Variants in LMX1B observed in about 807,000 individuals in gnomAD.
LMX1B encodes LIM homeobox transcription factor 1-beta.
Under a neutral mutation model 51.4 loss-of-function variants are expected in LMX1B, and 12 were observed. The ratio of observed to expected loss-of-function variants is 0.23; its 90% confidence interval spans 0.15 to 0.38. The LOEUF is 0.38. Ranked by LOEUF, LMX1B falls within the 10% of genes least tolerant of loss-of-function variation. LMX1B has a pLI of 1.00. For synonymous variants in LMX1B, 237 were observed against 235.4 expected (o/e 1.01, Z -0.06); for missense variants, 445 against 571.1 (o/e 0.78, Z 2.25).
At chr9:126,661,300 C>T (rs534105420) in intron 2 of LMX1B, among the ~76,000 whole-genome samples, 5 of 150,328 alleles carry the variant, frequency 3.3e-5, no homozygotes, top group South Asian at 2.1e-4. Context: ...CTCAGGCCAG[C>T]GTGGACGCCT....
intron 3 of LMX1B, among the ~76,000 whole-genome samples, chr9:126,692,579 C>T (rs568776327): frequency 2.0e-5 from 3 of 152,348 alleles, no homozygotes; most frequent in Non-Finnish European, 4.4e-5. Flanking sequence ...GAGTTGCACG[C>T]GTGAGGGCCT....
Position 126,693,200 on chromosome 9 carries a change from C to T in LMX1B, c.618C>T (p.Ser206=). The change falls in exon 4 of 8, where the codon AGC becomes AGT. Residue 206 remains serine (S), a synonymous_variant. Transcript: ENST00000373474. ...MKPAKGQGSQ[S]KGSGDDGKDP... ...CGGCCAAGGGGCAGGGCAGTCAGAG[C>T]AAGGGCAGCGGGGATGACGGGAAGG... The T allele has an allele frequency of 1.2e-6, 2 of 1,607,002 alleles. No individual in the cohort carries two copies. The highest frequency in any genetic ancestry group is 1.7e-5 in the Admixed American group (1 of 59,214).
chr9:126,631,335 G>A (rs1835633085), intron 2 of LMX1B, among the ~76,000 whole-genome samples: 1 of 152,228 alleles, frequency 6.6e-6, no homozygotes, highest in African/African-American at 2.4e-5. Context: ...CTTGCCTTGG[G>A]GCACAGGGAG....
chr9:126,656,546 C>A (rs561076606), intron 2 of LMX1B, among the ~76,000 whole-genome samples: 1 of 152,250 alleles, frequency 6.6e-6, no homozygotes, highest in African/African-American at 2.4e-5. Flanking sequence ...GCCACTGTAC[C>A]GAGGAAGGAA....
chr9:126,619,401 T>C (rs898013778), intron 2 of LMX1B, among the ~76,000 whole-genome samples: 2 of 152,178 alleles, frequency 1.3e-5, no homozygotes, highest in African/African-American at 4.8e-5. Flanking sequence ...TAGGCCCTCC[T>C]GCAGGGTGCC....
Position 126,615,622 on chromosome 9 carries a change from C to G in LMX1B, c.326+53C>G. 1 of 1,520,372 alleles carries G rather than the reference C, an allele frequency of 6.6e-7. No homozygotes were observed. Among genetic ancestry groups the G allele is most frequent in the Non-Finnish European group, 8.9e-7 (1 of 1,123,800 alleles). 94.2% of individuals were successfully genotyped at this position (1,520,372 alleles called of 1,614,324 possible). A position where few individuals can be genotyped will look rare whatever the true frequency, so the allele number is the denominator to read the frequency against. On this transcript the variant is annotated intron_variant, in intron 2 of 7. Transcript: ENST00000373474. The surrounding 1 kb of genome is among the most constrained non-coding windows in gnomAD (Gnocchi z 6.0). ...CCACCGCCCGGCACTCGAGCCCGGT[C>G]AGCCCCCTGCCGGGCCCGGCCCGCG...
At chr9:126,664,556 G>T (rs530801272) in intron 2 of LMX1B, among the ~76,000 whole-genome samples, 1 of 152,184 alleles carries the variant, frequency 6.6e-6, no homozygotes, top group Non-Finnish European at 1.5e-5. Flanking sequence ...CAGAGATAGC[G>T]CATGGCCCGT....
chr9:126,629,763 T>A (rs1017697797), intron 2 of LMX1B, among the ~76,000 whole-genome samples: 1 of 151,960 alleles, frequency 6.6e-6, no homozygotes, highest in Non-Finnish European at 1.5e-5. Context: ...ACATCAAAGC[T>A]TGACTTGGGT....
chr9:126,637,822 T>TTCCCCC (rs1564151130), intron 2 of LMX1B, among the ~76,000 whole-genome samples: 9 of 92,050 alleles, frequency 9.8e-5, no homozygotes, highest in Non-Finnish European at 1.3e-4. Context: ...GTGCCTGTCC[T>TTCCCCC]CCCCCCCCCC....
intron 2 of LMX1B, among the ~76,000 whole-genome samples, chr9:126,622,399 C>T (rs1052180495): frequency 6.6e-6 from 1 of 152,196 alleles, no homozygotes; most frequent in African/African-American, 2.4e-5. Flanking sequence ...CCCAGAGCAA[C>T]AGCGATGCCC....
chr9:126,660,343 G>A (rs976498544), intron 2 of LMX1B, among the ~76,000 whole-genome samples: 1 of 152,210 alleles, frequency 6.6e-6, no homozygotes, highest in South Asian at 2.1e-4. Flanking sequence ...TGGCCTTATA[G>A]TTTGTCCTGG....
intron 2 of LMX1B, among the ~76,000 whole-genome samples, chr9:126,628,586 G>A (rs930660495): frequency 3.9e-5 from 6 of 152,144 alleles, no homozygotes; most frequent in Non-Finnish European, 7.4e-5. Flanking sequence ...ACACTTAACC[G>A]CTTTCATTTT....
intron 2 of LMX1B, among the ~76,000 whole-genome samples, chr9:126,661,786 G>A (rs2118924508): frequency 6.6e-6 from 1 of 152,312 alleles, no homozygotes; most frequent in African/African-American, 2.4e-5. Context: ...GGAGCCCTGA[G>A]GGTTTCCTGC....
At position 126,693,425 on chromosome 9, in the gene LMX1B, A is replaced by C. The variant is rs1374621190; in HGVS notation, c.742-99A>C. ...CTGCTGGGGGTAGGGACATCCCTCC[A>C]TCCTCCATCTCTCCGCACATCCCAT... On this transcript the variant is annotated intron_variant, in intron 4 of 7. Coordinates refer to ENST00000373474, the MANE Select transcript of LMX1B (RefSeq NM_001174147.2). 5.8e-6 allele frequency: 9 copies of C among 1,542,376 alleles called. No individual in the cohort carries two copies. The African/African-American group carries it at 1.2e-4, about 21-fold the overall frequency.
chr9:126,617,616 C>T (rs1176423432), intron 2 of LMX1B, among the ~76,000 whole-genome samples: 1 of 151,874 alleles, frequency 6.6e-6, no homozygotes, highest in Non-Finnish European at 1.5e-5. Flanking sequence ...AACAATTAAA[C>T]GTTAAGCATT....
intron 2 of LMX1B, among the ~76,000 whole-genome samples, chr9:126,638,470 C>T (rs916093286): frequency 6.6e-6 from 1 of 152,246 alleles, no homozygotes; most frequent in Non-Finnish European, 1.5e-5. Context: ...GACCCCGACC[C>T]CACCCGGCCC....
chr9:126,692,996 G>A (rs1011224630), intron 3 of LMX1B, 146 bp from the exon 4 acceptor site: 1 of 813,274 alleles, frequency 1.2e-6, no homozygotes, highest in African/African-American at 1.7e-5. Context: ...GAGGGAAGGA[G>A]ATCTTATCCT....
intron 2 of LMX1B, among the ~76,000 whole-genome samples, chr9:126,680,840 C>T (rs1260966192): frequency 6.6e-6 from 1 of 152,202 alleles, no homozygotes; most frequent in African/African-American, 2.4e-5. Flanking sequence ...CCTGGCACAT[C>T]ATAGCTCGCA....
At position 126,677,249 on chromosome 9, in the gene LMX1B, A is replaced by G. The variant is rs1002922697; in HGVS notation, c.327-13587A>G. Reference sequence around the variant, plus strand: ...CTCTGGCAGGAAATGAGTGGCACCCACACTTTCATATACCTCCTTTTAATT... The same window carrying G: ...CTCTGGCAGGAAATGAGTGGCACCCGCACTTTCATATACCTCCTTTTAATT... On this transcript the variant is annotated intron_variant, in intron 2 of 7. Coordinates refer to ENST00000373474, the MANE Select transcript of LMX1B (RefSeq NM_001174147.2). The surrounding 1 kb of genome is among the most constrained non-coding windows in gnomAD (Gnocchi z 5.0). 6.6e-6 allele frequency among the ~76,000 whole-genome samples: 1 copy of G among 152,084 alleles called. No individual in the cohort carries two copies. The highest frequency in any genetic ancestry group is 2.4e-5 in the African/African-American group (1 of 41,402).
Sources: gnomAD v4.1 joint callset for allele counts (sites outside exome capture counted in the v4.1 genomes callset) on GRCh38, gnomAD v4.1.1 for gene constraint, Gnocchi (gnomAD v3.1) non-coding constraint, MANE v1.5 for transcripts, NCBI Gene and HGNC (gene_info 2026-07-23, HGNC 2026-07-21) for gene names.